Variants in PDE8B observed in about 807,000 individuals in gnomAD.
PDE8B encodes phosphodiesterase 8B, also known as high affinity cAMP-specific and IBMX-insensitive 3',5'-cyclic phosphodiesterase 8B.
PDE8B carries 26 observed loss-of-function variants against 101.3 expected under a neutral mutation model. The ratio of observed to expected loss-of-function variants is 0.26; its 90% confidence interval spans 0.19 to 0.36. PDE8B has a LOEUF of 0.36. Among genes scored for constraint, PDE8B ranks in the 10% least tolerant of loss-of-function variants. The pLI is 1.00. For missense variants in PDE8B, 810 were observed against 1,163.1 expected (o/e 0.70, Z 4.42); for synonymous variants, 424 against 429.3 (o/e 0.99, Z 0.15).
At chr5:77,126,035 C>G in the PDE8B span, among the ~76,000 whole-genome samples, 31 of 152,244 alleles carry the variant, frequency 2.0e-4, no homozygotes, top group African/African-American at 6.3e-4. Flanking sequence ...GCCTGTAATC[C>G]TAGCACTTTG....
At chr5:77,405,790 C>T (rs890913842) in intron 12 of PDE8B, among the ~76,000 whole-genome samples, 5 of 152,090 alleles carry the variant, frequency 3.3e-5, no homozygotes, top group East Asian at 1.9e-4. Flanking sequence ...AACTCGAGAG[C>T]GGACAACAGA....
upstream of PDE8B, among the ~76,000 whole-genome samples, chr5:77,207,541 T>A (rs1747601888): frequency 6.6e-6 from 1 of 152,364 alleles, no homozygotes; most frequent in East Asian, 1.9e-4. Context: ...ATTATTTTTT[T>A]AATAATGTTG....
chr5:77,355,495 T>G (rs890400288), intron 10 of PDE8B, among the ~76,000 whole-genome samples: 2 of 152,156 alleles, frequency 1.3e-5, no homozygotes, highest in Non-Finnish European at 2.9e-5. Context: ...GATGTCAAAA[T>G]CGGCCCATGG....
Position 77,426,729 on chromosome 5 carries a change from C to G in PDE8B, c.*175C>G. On this transcript the variant is annotated 3_prime_UTR_variant, in exon 22 of 22. Transcript: ENST00000264917. The stretch of plus-strand genomic sequence containing the variant: ...AATTTCATTCTTAGAAAGTTATGTT[C>G]CATGAAGAAAAATATATGTTCTTTT... 1.6e-6 allele frequency: 1 copy of G among 637,224 alleles called. No homozygotes were observed. Among genetic ancestry groups the G allele is most frequent in the Non-Finnish European group, 2.8e-6 (1 of 352,406 alleles). The allele number at this position is 637,224 out of a possible 1,614,324, so 39.5% of individuals were successfully genotyped here. A position where few individuals can be genotyped will look rare whatever the true frequency, so the allele number is the denominator to read the frequency against.
intron 1 of PDE8B, among the ~76,000 whole-genome samples, chr5:77,231,966 A>G (rs1257681663): frequency 1.3e-5 from 2 of 152,224 alleles, no homozygotes; most frequent in African/African-American, 4.8e-5. Flanking sequence ...GCCAGCCACA[A>G]GGGAGGCTTG....
intron 1 of PDE8B, among the ~76,000 whole-genome samples, chr5:77,238,268 C>G (rs553730668): frequency 6.6e-6 from 1 of 152,002 alleles, no homozygotes; most frequent in Non-Finnish European, 1.5e-5. Context: ...TTAGTTCAGT[C>G]TTTTCTCTTT....
intron 10 of PDE8B, among the ~76,000 whole-genome samples, chr5:77,374,363 A>G (rs1785656068): frequency 6.6e-6 from 1 of 152,136 alleles, no homozygotes; most frequent in Non-Finnish European, 1.5e-5. Flanking sequence ...ACTAACAGCT[A>G]ATGTAATTAT....
chr5:77,330,910 A>C (rs1439563673), intron 4 of PDE8B, among the ~76,000 whole-genome samples: 1 of 151,958 alleles, frequency 6.6e-6, no homozygotes, highest in Non-Finnish European at 1.5e-5. Context: ...CTTCCCTTCT[A>C]ACTGTGTGTT....
At chr5:77,116,222 A>T in the PDE8B span, among the ~76,000 whole-genome samples, 120 of 92,756 alleles carry the variant, frequency 1.3e-3, no homozygotes, top group African/African-American at 5.7e-3. Flanking sequence ...ATATATATAT[A>T]TATTTTTTTT....
intron 7 of PDE8B, among the ~76,000 whole-genome samples, chr5:77,346,192 G>T (rs1361600480): frequency 6.6e-6 from 1 of 152,146 alleles, no homozygotes; most frequent in Non-Finnish European, 1.5e-5. Context: ...TTTTATGGCT[G>T]CCCCGTGAAA....
intron 10 of PDE8B, among the ~76,000 whole-genome samples, chr5:77,356,982 T>C (rs566685936): frequency 1.3e-4 from 20 of 152,190 alleles, no homozygotes; most frequent in Non-Finnish European, 7.3e-5. Flanking sequence ...CAGGAAAAGA[T>C]ACTGTAACCA....
the PDE8B span, among the ~76,000 whole-genome samples, chr5:77,107,496 T>A: frequency 1.3e-5 from 2 of 152,228 alleles, no homozygotes; most frequent in African/African-American, 4.8e-5. Context: ...TTTTGTCCAA[T>A]ATCTGTGTCT....
In PDE8B at chr5:77,240,097, T is replaced by C. The variant is rs183523677; in HGVS notation, c.339+28833T>C. 1.6e-3 allele frequency among the ~76,000 whole-genome samples: 250 copies of C among 152,200 alleles called. 3 individuals are homozygous for C. The highest frequency in any genetic ancestry group is 5.6e-3 in the African/African-American group (231 of 41,516). On this transcript the variant is annotated intron_variant, in intron 1 of 21. Transcript: ENST00000264917. ...AAGTTAAAATGAAGCTTTTTTTTTT[T>C]GTATTTCGTTTTAGTCATTCAATTG...
At chr5:77,103,373 C>T in the PDE8B span, among the ~76,000 whole-genome samples, 1 of 152,160 alleles carries the variant, frequency 6.6e-6, no homozygotes, top group East Asian at 1.9e-4. Context: ...TATTTTTCTC[C>T]GTGACTCAAC....
At chr5:77,088,331 A>G in the PDE8B span, 1 of 152,218 alleles carries the variant, frequency 6.6e-6, no homozygotes, top group African/African-American at 2.4e-5. Context: ...TAGCCTTACC[A>G]TCAGCTGACG....
At chr5:77,146,806 C>A in the PDE8B span, 1 of 347,518 alleles carries the variant, frequency 2.9e-6, no homozygotes, top group Non-Finnish European at 5.9e-6. Flanking sequence ...TATATCCCTC[C>A]TAAAGATCCC....
Position 77,338,564 on chromosome 5 carries a change from C to A in PDE8B, c.797+1249C>A, listed in dbSNP as rs1211829647. ...ATAAGTAAGCTAGATCCTGTGGTTT[C>A]TTTTTATGTGTATGTCAGCTTCAGA... On this transcript the variant is annotated intron_variant, in intron 6 of 21. Coordinates refer to ENST00000264917, the MANE Select transcript of PDE8B (RefSeq NM_003719.5). Among the ~76,000 whole-genome samples, 4 of 152,120 alleles carry A rather than the reference C, an allele frequency of 2.6e-5. 1 individual carries two copies. Among genetic ancestry groups the A allele is most frequent in the Admixed American group, 2.0e-4 (3 of 15,276 alleles).
In PDE8B at chr5:77,427,997, G is replaced by T. The variant is rs1380629999; in HGVS notation, c.*1443G>T. On this transcript the variant is annotated 3_prime_UTR_variant, in exon 22 of 22. Transcript: ENST00000264917. Reference sequence around the variant, plus strand: ...ACTTATCACTACATAATGTGCCAATGTTTTTTTCTATGTTTTGTACCAAAA... The same window carrying T: ...ACTTATCACTACATAATGTGCCAATTTTTTTTTCTATGTTTTGTACCAAAA... 1 of 152,062 alleles carries T rather than the reference G, an allele frequency of 6.6e-6. No homozygotes were observed. Among genetic ancestry groups the T allele is most frequent in the Non-Finnish European group, 1.5e-5 (1 of 67,982 alleles). 9.4% of individuals were successfully genotyped at this position (152,062 alleles called of 1,614,324 possible).
At chr5:77,254,572 T>C (rs568240684) in intron 1 of PDE8B, among the ~76,000 whole-genome samples, 1 of 152,330 alleles carries the variant, frequency 6.6e-6, no homozygotes, top group East Asian at 1.9e-4. Context: ...GGGCTGATCT[T>C]TCAGGCTTTG....
Sources: allele counts gnomAD v4.1 joint callset (sites outside exome capture counted in the v4.1 genomes callset), GRCh38; gene constraint gnomAD v4.1.1; transcripts MANE v1.5; gene names NCBI Gene and HGNC (gene_info 2026-07-23, HGNC 2026-07-21).